METTL8: variants seen among roughly 807,000 people sequenced by gnomAD.
METTL8 encodes tRNA N(3)-cytidine methyltransferase METTL8, mitochondrial.
A neutral mutation model predicts 48.7 loss-of-function variants in METTL8; 32 were observed. That is an observed-to-expected ratio of 0.66 (90% CI 0.50 to 0.88). The LOEUF is 0.88. Among genes scored for constraint, METTL8 ranks in the 40% least tolerant of loss-of-function variants. The pLI, the probability that METTL8 is intolerant of heterozygous loss-of-function variation, is 0.00. For synonymous variants in METTL8, 136 were observed against 157.1 expected, an observed-to-expected ratio of 0.87 and a Z score of 1.01; for missense variants, 464 against 474.4, an observed-to-expected ratio of 0.98 and a Z score of 0.20.
chr2:171,336,396 CTT>C (rs146097512), intron 5 of METTL8, among the ~76,000 whole-genome samples: 47,912 of 80,492 alleles, frequency 0.6, 14,071 homozygotes, highest in East Asian at 0.85. Context: ...CGCCCGACTG[CTT>C]TTTTTTTTTT....
chr2:171,423,899 G>A (rs996472370), intron 1 of METTL8, among the ~76,000 whole-genome samples: 1 of 152,228 alleles, frequency 6.6e-6, no homozygotes, highest in African/African-American at 2.4e-5. Context: ...GCATGTCAGA[G>A]AACTTTGAGG....
intron 1 of METTL8, among the ~76,000 whole-genome samples, chr2:171,395,311 A>G (rs1688951438): frequency 6.6e-6 from 1 of 152,226 alleles, no homozygotes; most frequent in African/African-American, 2.4e-5. Context: ...TGAAAAACAA[A>G]TAGGACAAAT....
chr2:171,379,217 A>G (rs2105524085), intron 2 of METTL8, among the ~76,000 whole-genome samples: 1 of 152,358 alleles, frequency 6.6e-6, no homozygotes, highest in South Asian at 2.1e-4. Flanking sequence ...CAGTGAGAAC[A>G]AAGAGACAAT....
chr2:171,339,317 T>C lies in METTL8; in HGVS notation c.473A>G (p.Lys158Arg). The C allele has an allele frequency of 3.1e-6, 5 of 1,613,194 alleles. No homozygotes were observed. The highest frequency in any genetic ancestry group is 4.2e-6 in the Non-Finnish European group (5 of 1,179,444). Residue 158 changes from lysine to arginine, a missense_variant, in exon 4 of 10, where the codon AAA becomes AGA. Lys to Arg is a conservative substitution (Grantham distance 26). Coordinates refer to ENST00000375258, the MANE Select transcript of METTL8 (RefSeq NM_001321154.2). ...TVPDEKNHYE[K>R]SSGSSEGQSK... ...TTGACCTTCTGAAGAACCAGAACTT[T>C]TCTCATAATGATTTTTTTCATCAGG... is the stretch of plus-strand genomic sequence containing the variant.
intron 3 of METTL8, among the ~76,000 whole-genome samples, chr2:171,345,505 A>G (rs1687178223): frequency 6.6e-6 from 1 of 152,236 alleles, no homozygotes; most frequent in African/African-American, 2.4e-5. Flanking sequence ...TATGAAATTA[A>G]AAGTATGTTT....
intron 1 of METTL8, among the ~76,000 whole-genome samples, chr2:171,426,847 C>A (rs1448117343): frequency 6.6e-6 from 1 of 152,186 alleles, no homozygotes; most frequent in Admixed American, 6.5e-5. Flanking sequence ...GATGCTGCAG[C>A]CAAGTATCTG....
intron 3 of METTL8, among the ~76,000 whole-genome samples, chr2:171,347,057 C>G (rs944882111): frequency 2.0e-5 from 3 of 152,200 alleles, no homozygotes; most frequent in African/African-American, 7.2e-5. Context: ...TTCCTTCTCC[C>G]TGCAGTGGTC....
chr2:171,430,441 C>T (rs538683736), intron 1 of METTL8, among the ~76,000 whole-genome samples: 8 of 152,110 alleles, frequency 5.3e-5, no homozygotes, highest in Non-Finnish European at 7.4e-5. Flanking sequence ...ATGTAGGTGA[C>T]GGGTTGATGG....
intron 1 of METTL8, among the ~76,000 whole-genome samples, chr2:171,402,703 C>T (rs970883338): frequency 2.0e-5 from 3 of 152,090 alleles, no homozygotes; most frequent in Non-Finnish European, 4.4e-5. Flanking sequence ...CCCAGATCTT[C>T]GTTTCTAACC....
rs1002671598 is a variant in METTL8, at chr2:171,316,415, C to T, written c.*7757G>A. 2.0e-5 allele frequency among the ~76,000 whole-genome samples: 3 copies of T among 152,162 alleles called. No homozygotes were observed. Among genetic ancestry groups the T allele is most frequent in the African/African-American group, 7.2e-5 (3 of 41,416 alleles). ...AAAGATCTGCAAAAGTATTTCCTTG[C>T]ACTATTTGGCAAGAGAAAGAAGCAC... On this transcript the variant is annotated 3_prime_UTR_variant, in exon 10 of 10. Coordinates refer to ENST00000375258, the MANE Select transcript of METTL8 (RefSeq NM_001321154.2).
rs1322959003 is a variant in METTL8, at chr2:171,322,267, A to C, written c.*1905T>G. 1 of 151,348 alleles carries C rather than the reference A, an allele frequency of 6.6e-6. No homozygotes were observed. Among genetic ancestry groups the C allele is most frequent in the African/African-American group, 2.4e-5 (1 of 41,206 alleles). 9.4% of individuals were successfully genotyped at this position (151,348 alleles called of 1,614,324 possible). A position where few individuals can be genotyped will look rare whatever the true frequency, so the allele number is the denominator to read the frequency against. On this transcript the variant is annotated 3_prime_UTR_variant, in exon 10 of 10. Coordinates refer to ENST00000375258, the MANE Select transcript of METTL8 (RefSeq NM_001321154.2). Reference sequence around the variant, plus strand: ...CTTGAGCGACTGCGCCCGGCCCTCGAGGGGATAAATACATTTTTAACTGCC... The same window carrying C: ...CTTGAGCGACTGCGCCCGGCCCTCGCGGGGATAAATACATTTTTAACTGCC...
At chr2:171,343,188 C>T (rs1190697708) in intron 3 of METTL8, among the ~76,000 whole-genome samples, 1 of 152,154 alleles carries the variant, frequency 6.6e-6, no homozygotes, top group African/African-American at 2.4e-5. Context: ...GCCTACAATA[C>T]CGGCACTTTG....
chr2:171,355,317 C>T (rs112322545), intron 3 of METTL8, among the ~76,000 whole-genome samples: 15 of 152,298 alleles, frequency 9.8e-5, no homozygotes, highest in African/African-American at 3.4e-4. Context: ...GCTGTCTGAT[C>T]GTTCCTCTGG....
intron 2 of METTL8, among the ~76,000 whole-genome samples, chr2:171,377,521 G>T (rs1026511995): frequency 7.9e-5 from 12 of 151,994 alleles, no homozygotes; most frequent in African/African-American, 1.4e-4. Context: ...AATCTACAAG[G>T]AACTCAAATC....
chr2:171,423,298 T>G (rs1308654364), intron 1 of METTL8, among the ~76,000 whole-genome samples: 1 of 152,130 alleles, frequency 6.6e-6, no homozygotes, highest in East Asian at 1.9e-4. Flanking sequence ...AGTAAATTGG[T>G]ACCAGGAATG....
At chr2:171,329,941 A>G (rs941949653) in intron 7 of METTL8, among the ~76,000 whole-genome samples, 1 of 152,192 alleles carries the variant, frequency 6.6e-6, no homozygotes, top group African/African-American at 2.4e-5. Flanking sequence ...ATTGCTGGTA[A>G]TATCTCTTTA....
chr2:171,365,176 G>A (rs1208130659), intron 2 of METTL8, among the ~76,000 whole-genome samples: 2 of 152,070 alleles, frequency 1.3e-5, no homozygotes, highest in African/African-American at 2.4e-5. Flanking sequence ...ACAGCTCCAC[G>A]GCATTCCACA....
At chr2:171,376,837 A>G (rs2105517611) in intron 2 of METTL8, among the ~76,000 whole-genome samples, 1 of 152,316 alleles carries the variant, frequency 6.6e-6, no homozygotes, top group East Asian at 1.9e-4. Flanking sequence ...TCTTCAAAGA[A>G]AAAACATTCC....
At chr2:171,366,010 G>T (rs566922088) in intron 2 of METTL8, among the ~76,000 whole-genome samples, 1 of 152,306 alleles carries the variant, frequency 6.6e-6, no homozygotes, top group South Asian at 2.1e-4. Context: ...GGTGGTGAGG[G>T]TTTGTGCAAC....
Sources: allele counts gnomAD v4.1 joint callset (sites outside exome capture counted in the v4.1 genomes callset), GRCh38; gene constraint gnomAD v4.1.1; transcripts MANE v1.5; gene names NCBI Gene and HGNC (gene_info 2026-07-23, HGNC 2026-07-21).